Variants in FSTL5 observed in about 807,000 individuals in gnomAD.
FSTL5 encodes follistatin-related protein 5.
FSTL5 carries 62 observed loss-of-function variants against 89.1 expected under a neutral mutation model. That is an observed-to-expected ratio of 0.70 (90% CI 0.57 to 0.86). FSTL5 has a LOEUF of 0.86. Among genes scored for constraint, FSTL5 ranks in the 40% least tolerant of loss-of-function variants. The pLI is 0.00. For synonymous variants in FSTL5, 383 were observed against 346.2 expected (o/e 1.11, Z -1.18); for missense variants, 1,057 against 1,001.6 (o/e 1.06, Z -0.75).
At chr4:162,012,367 T>C (rs550567647) in intron 3 of FSTL5, among the ~76,000 whole-genome samples, 32 of 152,338 alleles carry the variant, frequency 2.1e-4, no homozygotes, top group Non-Finnish European at 4.0e-4. Flanking sequence ...TTCAGGTTAT[T>C]AGAATTTTAT....
chr4:161,569,335 G>A (rs1209782859), intron 8 of FSTL5, among the ~76,000 whole-genome samples: 1 of 152,102 alleles, frequency 6.6e-6, no homozygotes, highest in Non-Finnish European at 1.5e-5. Context: ...TGGGCCCAAG[G>A]GTTACCTGTT....
chr4:161,650,623 T>G (rs1258822363), intron 7 of FSTL5, among the ~76,000 whole-genome samples: 2 of 152,152 alleles, frequency 1.3e-5, no homozygotes, highest in East Asian at 3.8e-4. Flanking sequence ...GACATACATT[T>G]CATTGAAAAC....
chr4:161,449,864 G>T (rs1733098703), intron 15 of FSTL5, among the ~76,000 whole-genome samples: 1 of 152,074 alleles, frequency 6.6e-6, no homozygotes, highest in Admixed American at 6.5e-5. Context: ...TTGCAATCTA[G>T]GTGAAGATAT....
chr4:161,719,390 C>T (rs982351605), intron 6 of FSTL5, among the ~76,000 whole-genome samples: 9 of 152,096 alleles, frequency 5.9e-5, no homozygotes, highest in Non-Finnish European at 1.0e-4. Context: ...AATCAAATGT[C>T]ATATTTAATG....
intron 15 of FSTL5, among the ~76,000 whole-genome samples, chr4:161,450,777 C>T (rs1198871036): frequency 2.9e-5 from 4 of 139,052 alleles, no homozygotes; most frequent in African/African-American, 1.1e-4. Flanking sequence ...GAGTCTCACT[C>T]TGTTGCCCAG....
chr4:161,829,642 T>C (rs1372832490), intron 4 of FSTL5, among the ~76,000 whole-genome samples: 2 of 152,074 alleles, frequency 1.3e-5, no homozygotes, highest in African/African-American at 4.8e-5. Flanking sequence ...CAATAATCTG[T>C]TTGGCTACTA....
intron 7 of FSTL5, among the ~76,000 whole-genome samples, chr4:161,630,744 A>C (rs944385569): frequency 6.6e-6 from 1 of 152,234 alleles, no homozygotes; most frequent in African/African-American, 2.4e-5. Flanking sequence ...CGATTCCAAC[A>C]GAAAACCAAT....
chr4:161,602,291 G>T (rs1734278117), intron 7 of FSTL5, among the ~76,000 whole-genome samples: 1 of 141,156 alleles, frequency 7.1e-6, no homozygotes, highest in Admixed American at 7.2e-5. Flanking sequence ...GAGAGAGAGA[G>T]AGGATTAATG....
intron 3 of FSTL5, among the ~76,000 whole-genome samples, chr4:162,024,918 T>C (rs1050138448): frequency 6.6e-6 from 1 of 152,054 alleles, no homozygotes; most frequent in South Asian, 2.1e-4. Context: ...CCCAAAACAC[T>C]GGGATTACAA....
chr4:161,971,815 T>C (rs958966443), intron 3 of FSTL5, among the ~76,000 whole-genome samples: 2 of 152,182 alleles, frequency 1.3e-5, no homozygotes, highest in Admixed American at 1.3e-4. Flanking sequence ...TTTATGTTAG[T>C]AAATACTAAC....
At chr4:161,835,746 A>C (rs1731017851) in intron 4 of FSTL5, among the ~76,000 whole-genome samples, 1 of 152,346 alleles carries the variant, frequency 6.6e-6, no homozygotes, top group African/African-American at 2.4e-5. Context: ...AATCAAAACC[A>C]CAATGGGATA....
chr4:161,696,002 C>T lies in FSTL5; in HGVS notation c.728-39508G>A, dbSNP rs183849003. Among the ~76,000 whole-genome samples, 906 of 152,194 alleles carry T rather than the reference C, an allele frequency of 6.0e-3. 13 individuals are homozygous for T. The highest frequency in any genetic ancestry group is 0.047 in the South Asian group (229 of 4,828). ...ATTTATCTTTGTTTTATTGCATTTG[C>T]TTTTGGGTTCTTCGTCATGAAATAT... On this transcript the variant is annotated intron_variant, in intron 6 of 15. Transcript: ENST00000306100.
chr4:161,924,942 T>G (rs1734083535), intron 3 of FSTL5, among the ~76,000 whole-genome samples: 1 of 151,926 alleles, frequency 6.6e-6, no homozygotes, highest in Non-Finnish European at 1.5e-5. Flanking sequence ...TGTTCACAAT[T>G]ATTGGTTAAA....
At chr4:161,504,401 T>C (rs1294492144) in intron 11 of FSTL5, among the ~76,000 whole-genome samples, 1 of 151,868 alleles carries the variant, frequency 6.6e-6, no homozygotes, top group Non-Finnish European at 1.5e-5. Flanking sequence ...ACAAACATTA[T>C]TGACTTCAGT....
chr4:161,945,065 A>C (rs2110934688), intron 3 of FSTL5, among the ~76,000 whole-genome samples: 1 of 152,292 alleles, frequency 6.6e-6, no homozygotes, highest in Admixed American at 6.5e-5. Context: ...CAGGTAGTAT[A>C]CACTGGATGA....
chr4:162,081,871 A>G (rs1271299444), intron 2 of FSTL5, among the ~76,000 whole-genome samples: 2 of 151,384 alleles, frequency 1.3e-5, no homozygotes, highest in Non-Finnish European at 3.0e-5. Context: ...ATTTACTTCA[A>G]TGATTTCTAA....
At chr4:161,783,846 A>C (rs1741785272) in intron 4 of FSTL5, among the ~76,000 whole-genome samples, 1 of 147,908 alleles carries the variant, frequency 6.8e-6, no homozygotes, top group East Asian at 2.0e-4. Flanking sequence ...GCTCACTGCA[A>C]CCTCTGCCCC....
At chr4:161,927,879 C>T (rs1734169588) in intron 3 of FSTL5, among the ~76,000 whole-genome samples, 1 of 151,534 alleles carries the variant, frequency 6.6e-6, no homozygotes. Flanking sequence ...ATATAATGTT[C>T]ACAGCCAAAC....
chr4:162,086,397 A>G (rs557809364), intron 2 of FSTL5, among the ~76,000 whole-genome samples: 13 of 151,530 alleles, frequency 8.6e-5, no homozygotes, highest in African/African-American at 3.1e-4. Context: ...CAATTTTGAT[A>G]ATAAACTTAT....
Sources: gnomAD v4.1 joint callset for allele counts (sites outside exome capture counted in the v4.1 genomes callset) on GRCh38, gnomAD v4.1.1 for gene constraint, MANE v1.5 for transcripts, NCBI Gene and HGNC (gene_info 2026-07-23, HGNC 2026-07-21) for gene names.